ASPM: variants seen among roughly 807,000 people sequenced by gnomAD.
The protein encoded by ASPM is assembly factor for spindle microtubules, also known as abnormal spindle-like microcephaly-associated protein.
In ASPM, 256 loss-of-function variants were observed where a neutral mutation model predicts 366.4. The observed-to-expected ratio is 0.70, with a 90% CI of 0.63 to 0.77. ASPM has a LOEUF of 0.77. Ranked by LOEUF, ASPM falls within the 30% of genes least tolerant of loss-of-function variation. The pLI is 0.00. For synonymous variants in ASPM, 1,414 were observed against 1,342.9 expected (o/e 1.05, Z -1.16); for missense variants, 4,146 against 4,090.4 (o/e 1.01, Z -0.37).
At chr1:197,095,651 C>T (rs922193683) in intron 19 of ASPM, among the ~76,000 whole-genome samples, 2 of 151,600 alleles carry the variant, frequency 1.3e-5, no homozygotes, top group African/African-American at 4.8e-5. Context: ...TTAAGTCACC[C>T]AGCAAAATGG....
chr1:197,102,240 AGCCCTGT>A lies in ASPM; in HGVS notation c.7004_7010del (p.His2335LeufsTer16). 1 of 1,612,882 alleles carries A rather than the reference AGCCCTGT, an allele frequency of 6.2e-7. No individual in the cohort carries two copies. Among genetic ancestry groups the A allele is most frequent in the Non-Finnish European group, 8.5e-7 (1 of 1,179,320 alleles). On this transcript the variant is annotated frameshift_variant, in exon 18 of 28. Transcript: ENST00000367409. LOFTEE classifies it high-confidence loss of function. ...TGAAAGTAGACTGGATGAAAGTAGC[AGCCCTGT>A]GCATCTCTCGCATCCTTTTCCTTAT... is the stretch of plus-strand genomic sequence containing the variant.
At chr1:197,087,615 A>G (rs1656637286) in intron 26 of ASPM, among the ~76,000 whole-genome samples, 3 of 152,174 alleles carry the variant, frequency 2.0e-5, no homozygotes, top group African/African-American at 7.2e-5. Context: ...TGCAGTTTCC[A>G]AAGTCTTCTA....
intron 18 of ASPM, among the ~76,000 whole-genome samples, chr1:197,096,383 C>T (rs1278364163): frequency 2.6e-5 from 4 of 151,782 alleles, no homozygotes; most frequent in Non-Finnish European, 5.9e-5. Context: ...ATCACACATA[C>T]CTTATGGCTG....
intron 3 of ASPM, among the ~76,000 whole-genome samples, chr1:197,141,034 G>A (rs1658562120): frequency 6.6e-6 from 1 of 152,024 alleles, no homozygotes. Flanking sequence ...TCAAAAACAG[G>A]TTTCACAACA....
rs745383617 is a variant in ASPM at position 197,088,158 on chromosome 1, T to C, written c.10161+98A>G. The C allele has an allele frequency of 2.2e-6, 3 of 1,339,128 alleles. No homozygotes were observed. In the African/African-American group the frequency reaches 4.4e-5, roughly 20 times the overall value. 83.0% of individuals were successfully genotyped at this position (1,339,128 alleles called of 1,614,324 possible). ...GCAGGTTTGAACACACATAAAACCC[T>C]ATTTTAGAGTGATAATTACTAAAGG... On this transcript the variant is annotated intron_variant, in intron 26 of 27. Coordinates refer to ENST00000367409, the MANE Select transcript of ASPM (RefSeq NM_018136.5).
intron 17 of ASPM, among the ~76,000 whole-genome samples, chr1:197,113,097 G>C (rs1362066055): frequency 1.3e-5 from 2 of 152,162 alleles, no homozygotes; most frequent in Non-Finnish European, 2.9e-5. Flanking sequence ...ATTATCCTAA[G>C]TGATGTAACA....
Position 197,103,269 on chromosome 1 carries a change from T to C in ASPM, c.5982A>G (p.Lys1994=). 1 of 1,612,994 alleles carries C rather than the reference T, an allele frequency of 6.2e-7. No homozygotes were observed. Among genetic ancestry groups the C allele is most frequent in the Non-Finnish European group, 8.5e-7 (1 of 1,179,436 alleles). Residue 1994 remains lysine (K), a synonymous_variant, in exon 18 of 28, where the codon AAA becomes AAG. Coordinates refer to ENST00000367409, the MANE Select transcript of ASPM (RefSeq NM_018136.5). ...ACTTTTGAATCAGAAGAGCAGCTTT[T>C]TTCATGATTTTCCACTTCTTTTGTT... ...HVQQKKWKIM[K]KAALLIQKYY...
At chr1:197,099,048 C>T (rs1355307390) in intron 18 of ASPM, among the ~76,000 whole-genome samples, 1 of 151,540 alleles carries the variant, frequency 6.6e-6, no homozygotes, top group Non-Finnish European at 1.5e-5. Context: ...CTTAAGCCAT[C>T]AACATGGCTT....
In ASPM at chr1:197,101,502, T is replaced by C; in HGVS notation, c.7749A>G (p.Ile2583Met). The C allele has an allele frequency of 4.3e-6, 7 of 1,609,704 alleles. No homozygotes were observed. Among genetic ancestry groups the C allele is most frequent in the Non-Finnish European group, 5.9e-6 (7 of 1,179,072 alleles). The change falls in exon 18 of 28, where the codon ATA (isoleucine) becomes ATG (methionine). Residue 2583 changes from isoleucine (I) to methionine (M), a missense_variant. By Grantham distance (10) the Ile-to-Met change is conservative. Transcript: ENST00000367409. The stretch of plus-strand genomic sequence containing the variant: ...TTTTATTTGCTCTATATTTTTCTTG[T>C]ATGATTTTTGTAGCCCACTGAAGCT... ...YQKLQWATKI[I>M]QEKYRANKKK...
At position 197,102,111 on chromosome 1, in the gene ASPM, A is replaced by G. The variant is rs1206828943; in HGVS notation, c.7140T>C (p.His2380=). 6.2e-7 allele frequency: 1 copy of G among 1,612,996 alleles called. No homozygotes were observed. The highest frequency in any genetic ancestry group is 8.5e-7 in the Non-Finnish European group (1 of 1,179,304). The change falls in exon 18 of 28, where the codon CAT becomes CAC. Residue 2380 remains histidine, a synonymous_variant. Coordinates refer to ENST00000367409, the MANE Select transcript of ASPM (RefSeq NM_018136.5). The stretch of plus-strand genomic sequence containing the variant: ...CAGCAGAGTGTCTTTGTCTGAGATA[A>G]TGCTGCCTCTGCAGTTTTGCAGCTC... The part of the protein sequence containing the change: ...ANRAAKLQRQ[H]YLRQRHSAVI...
In ASPM at chr1:197,142,945, G is replaced by T. The variant is rs759957401; in HGVS notation, c.1307C>A (p.Pro436Gln). Reference protein sequence around the residue: ...PEDWRKSEVSPRIPECQGSKS... With the variant: ...PEDWRKSEVSQRIPECQGSKS... ...TGAACCCTGACATTCAGGAATACGTGGCGAAACTTCACTTTTTCTCCAATC... is the reference window on the plus strand; with the variant it reads ...TGAACCCTGACATTCAGGAATACGTTGCGAAACTTCACTTTTTCTCCAATC... Residue 436 changes from proline (P) to glutamine (Q), a missense_variant, in exon 3 of 28, where the codon CCA becomes CAA. This residue lies in a region of ASPM where 3,624 missense variants were observed against 3,591.7 expected (regional missense o/e 1.01). Coordinates refer to ENST00000367409, the MANE Select transcript of ASPM (RefSeq NM_018136.5). 1 of 1,613,942 alleles carries T rather than the reference G, an allele frequency of 6.2e-7. No individual in the cohort carries two copies. The highest frequency in any genetic ancestry group is 8.5e-7 in the Non-Finnish European group (1 of 1,179,860).
chr1:197,144,722 C>G (rs1658712169), intron 1 of ASPM, among the ~76,000 whole-genome samples: 1 of 152,170 alleles, frequency 6.6e-6, no homozygotes, highest in African/African-American at 2.4e-5. Flanking sequence ...AGAACCCAGG[C>G]AGTCTAATGC....
intron 18 of ASPM, 63 bp from the exon 19 acceptor site, chr1:197,096,227 C>T: frequency 7.3e-7 from 1 of 1,368,712 alleles, no homozygotes; most frequent in East Asian, 2.3e-5. Context: ...GTAAATAAGA[C>T]AAATCAGTAT....
chr1:197,125,727 CA>C (rs1658071510), intron 10 of ASPM, among the ~76,000 whole-genome samples: 1 of 151,938 alleles, frequency 6.6e-6, no homozygotes, highest in South Asian at 2.1e-4. Context: ...CTTGTTTCCA[CA>C]GTAATTCCTA....
At chr1:197,145,394 A>T (rs192235070) in intron 1 of ASPM, among the ~76,000 whole-genome samples, 2 of 152,202 alleles carry the variant, frequency 1.3e-5, no homozygotes, top group Non-Finnish European at 2.9e-5. Context: ...AATTACACTT[A>T]ACAGCAAAGA....
intron 16 of ASPM, among the ~76,000 whole-genome samples, chr1:197,119,393 G>T (rs1657839079): frequency 6.6e-6 from 1 of 152,058 alleles, no homozygotes; most frequent in South Asian, 2.1e-4. Context: ...GAAGTATATT[G>T]CATTTGAGAC....
In ASPM at chr1:197,100,915, C is replaced by T; in HGVS notation, c.8336G>A (p.Arg2779Lys). The T allele has an allele frequency of 6.2e-7, 1 of 1,612,732 alleles. No homozygotes were observed. The change falls in exon 18 of 28, where the codon AGA becomes AAA. Residue 2779 changes from arginine (R) to lysine (K), a missense_variant. Arg to Lys is a conservative substitution (Grantham distance 26). Around this residue, in one of 3 missense-constraint regions of ASPM, gnomAD observed 3,624 missense variants for 3,591.7 expected, o/e 1.01. Coordinates refer to ENST00000367409, the MANE Select transcript of ASPM (RefSeq NM_018136.5). Reference sequence around the variant, plus strand: ...AACAGCTTCATACTGAGTTTTACTTCTGTAACAGCAGAGTGCAGATTGGTT... The same window carrying T: ...AACAGCTTCATACTGAGTTTTACTTTTGTAACAGCAGAGTGCAGATTGGTT... ...IVNQSALCCYRSKTQYEAVQS... is the reference protein window; with the variant it reads ...IVNQSALCCYKSKTQYEAVQS...
Position 197,089,926 on chromosome 1 carries a change from C to T in ASPM, c.9984+4G>A, listed in dbSNP as rs758871934. On this transcript the variant is annotated splice_donor_region_variant and intron_variant, in intron 25 of 27. Coordinates refer to ENST00000367409, the MANE Select transcript of ASPM (RefSeq NM_018136.5). ...AATATCTCATTAATAAAATGAAAAA[C>T]TACCTTAGATACATTAAGCAAGACT... 6 of 1,611,936 alleles carry T rather than the reference C, an allele frequency of 3.7e-6. No individual in the cohort carries two copies. Among genetic ancestry groups the T allele is most frequent in the South Asian group, 3.3e-5 (3 of 90,852 alleles).
intron 3 of ASPM, among the ~76,000 whole-genome samples, chr1:197,140,323 C>T (rs888670194): frequency 3.3e-5 from 5 of 152,196 alleles, no homozygotes; most frequent in Admixed American, 1.3e-4. Flanking sequence ...GTTGCCAGAA[C>T]TGCAATAAGG....
Sources: gnomAD v4.1 joint callset for allele counts (sites outside exome capture counted in the v4.1 genomes callset) on GRCh38, gnomAD v4.1.1 for gene constraint, gnomAD v4.1.1 regional missense constraint, MANE v1.5 for transcripts, NCBI Gene and HGNC (gene_info 2026-07-23, HGNC 2026-07-21) for gene names.